The following SCN10A variants were observed in gnomAD, a reference collection of about 807,000 sequenced individuals.
SCN10A encodes the protein sodium channel protein type 10 subunit alpha.
In SCN10A, 162 loss-of-function variants were observed where a neutral mutation model predicts 170.7. The observed-to-expected ratio is 0.95, with a 90% CI of 0.84 to 1.08. SCN10A has a LOEUF of 1.08. Ranked by LOEUF, SCN10A falls within the 50% of genes least tolerant of loss-of-function variation. The pLI is 0.00. For synonymous variants in SCN10A, 985 were observed against 904.6 expected, an observed-to-expected ratio of 1.09 and a Z score of -1.59; for missense variants, 2,527 against 2,436.9, an observed-to-expected ratio of 1.04 and a Z score of -0.78.
chr3:38,765,483 T>TA (rs2063921797), intron 5 of SCN10A, among the ~76,000 whole-genome samples: 2 of 152,266 alleles, frequency 1.3e-5, no homozygotes, highest in South Asian at 4.1e-4. Context: ...TTTCCCCACT[T>TA]ACGTTTTTGT....
intron 4 of SCN10A, 54 bp from the exon 5 acceptor site, chr3:38,771,461 G>T: frequency 6.3e-7 from 1 of 1,593,314 alleles, no homozygotes; most frequent in Non-Finnish European, 8.6e-7. Context: ...TGTACTCAGG[G>T]GGTTCCTTCT....
At chr3:38,779,838 T>G (rs887672928) in intron 4 of SCN10A, among the ~76,000 whole-genome samples, 11 of 149,040 alleles carry the variant, frequency 7.4e-5, no homozygotes, top group Non-Finnish European at 1.5e-4. Flanking sequence ...AATTTGGTTA[T>G]TTTTTTTAAC....
rs1343769891 is a variant in SCN10A at position 38,713,997 on chromosome 3, C to T, written c.3765G>A (p.Leu1255=). Residue 1255 remains leucine, a synonymous_variant, in exon 22 of 28, where the codon CTG becomes CTA. Transcript: ENST00000449082. ...ATCGAGAAAGAGCCCGCAGTGGCCG[C>T]AGAGCGCGAAGGGTTCGAAGGGCTT... is the stretch of plus-strand genomic sequence containing the variant. ...PIKALRTLRA[L]RPLRALSRFE... The T allele has an allele frequency of 6.2e-7, 1 of 1,613,922 alleles. No individual in the cohort carries two copies. Among genetic ancestry groups the T allele is most frequent in the African/African-American group, 1.3e-5 (1 of 74,948 alleles).
chr3:38,717,102 A>C (rs190781749), intron 21 of SCN10A, among the ~76,000 whole-genome samples: 3 of 152,218 alleles, frequency 2.0e-5, no homozygotes, highest in Admixed American at 6.5e-5. Context: ...ATAGAAAGAT[A>C]TAAGGGTTAA....
At chr3:38,755,412 A>G (rs1345415378) in intron 11 of SCN10A, among the ~76,000 whole-genome samples, 3 of 151,654 alleles carry the variant, frequency 2.0e-5, no homozygotes, top group African/African-American at 7.3e-5. Flanking sequence ...TAAGATTGGC[A>G]TGTTCAGTAT....
chr3:38,759,622 G>T (rs2063846253), intron 8 of SCN10A, among the ~76,000 whole-genome samples: 1 of 152,196 alleles, frequency 6.6e-6, no homozygotes, highest in Admixed American at 6.5e-5. Flanking sequence ...TTGGCCCACA[G>T]AAATATTTTG....
At chr3:38,718,930 AAG>A in intron 20 of SCN10A, 104 bp from the exon 21 acceptor site, 2 of 1,099,404 alleles carry the variant, frequency 1.8e-6, no homozygotes, top group Non-Finnish European at 2.6e-6. Context: ...CAGTCCCTGG[AAG>A]GGGATTTGGT....
Position 38,712,430 on chromosome 3 carries a change from G to C in SCN10A, c.3820C>G (p.Leu1274Val), listed in dbSNP as rs1362890643. 6.2e-7 allele frequency: 1 copy of C among 1,613,802 alleles called. No individual in the cohort carries two copies. Among genetic ancestry groups the C allele is most frequent in the South Asian group, 1.1e-5 (1 of 91,056 alleles). ...FEGMRVVVDA[L>V]VGAIPSIMNV... is the part of the protein sequence containing the mutation. Reference sequence around the variant, plus strand: ...ATGATGGATGGGATGGCGCCCACCAGGGCATCCACCACCACCTGGTGGGAG... The same window carrying C: ...ATGATGGATGGGATGGCGCCCACCACGGCATCCACCACCACCTGGTGGGAG... Residue 1274 changes from leucine (L) to valine (V), a missense_variant, in exon 23 of 28, where the codon CTG becomes GTG. Coordinates refer to ENST00000449082, the MANE Select transcript of SCN10A (RefSeq NM_006514.4).
At chr3:38,808,975 T>C (rs1667326906) in intron 1 of SCN10A, among the ~76,000 whole-genome samples, 1 of 152,216 alleles carries the variant, frequency 6.6e-6, no homozygotes, top group African/African-American at 2.4e-5. Flanking sequence ...TTTTTGTCTT[T>C]GAGAGGCAGT....
intron 1 of SCN10A, among the ~76,000 whole-genome samples, chr3:38,804,712 G>A (rs1429433052): frequency 2.6e-5 from 4 of 152,034 alleles, no homozygotes; most frequent in African/African-American, 9.7e-5. Flanking sequence ...CCATAATCCA[G>A]GTTACTGAAA....
chr3:38,707,203 C>T (rs2063219451), intron 26 of SCN10A, 76 bp downstream of exon 26: 3 of 1,484,662 alleles, frequency 2.0e-6, no homozygotes, highest in African/African-American at 2.8e-5. Context: ...TCCCTCAGGC[C>T]CCTGCCTGAC....
Position 38,805,655 on chromosome 3 carries a change from G to A in SCN10A, c.-33+10382C>T, listed in dbSNP as rs991729649. On this transcript the variant is annotated intron_variant, in intron 1 of 27. Coordinates refer to ENST00000449082, the MANE Select transcript of SCN10A (RefSeq NM_006514.4). ...AAGATATAGCATTTGAAATAGATAA[G>A]CCACTAAGAAAGTGTGATAAGCTGT... 2.0e-5 allele frequency among the ~76,000 whole-genome samples: 3 copies of A among 152,140 alleles called. No individual in the cohort carries two copies. In the East Asian group the frequency reaches 5.8e-4, roughly 29 times the overall value.
intron 3 of SCN10A, among the ~76,000 whole-genome samples, chr3:38,790,940 C>T (rs1216223679): frequency 6.6e-6 from 1 of 151,932 alleles, no homozygotes. Context: ...TGCTGGCCAG[C>T]CAGAAAGAAA....
intron 1 of SCN10A, among the ~76,000 whole-genome samples, chr3:38,802,965 C>A (rs546370247): frequency 6.6e-6 from 1 of 152,114 alleles, no homozygotes; most frequent in Admixed American, 6.6e-5. Context: ...AAAAAACAAA[C>A]AACCCCATCA....
intron 1 of SCN10A, among the ~76,000 whole-genome samples, chr3:38,809,252 AC>A (rs1302181818): frequency 1.3e-5 from 2 of 151,998 alleles, no homozygotes; most frequent in African/African-American, 4.8e-5. Context: ...TCTGAATGCA[AC>A]TTTTGGAGGA....
chr3:38,740,419 C>A (rs2063618703), intron 14 of SCN10A, among the ~76,000 whole-genome samples: 1 of 152,190 alleles, frequency 6.6e-6, no homozygotes, highest in African/African-American at 2.4e-5. Context: ...TTTATCTGAG[C>A]CCCTCACCAG....
At chr3:38,699,887 A>T (rs539613616) in intron 27 of SCN10A, among the ~76,000 whole-genome samples, 9 of 152,120 alleles carry the variant, frequency 5.9e-5, no homozygotes, top group Non-Finnish European at 1.2e-4. Context: ...AGAAAGATTG[A>T]TATGTGGGTT....
intron 20 of SCN10A, 45 bp from the exon 21 acceptor site, chr3:38,718,871 C>T: frequency 6.3e-7 from 1 of 1,591,010 alleles, no homozygotes; most frequent in East Asian, 2.2e-5. Flanking sequence ...CCTGGACCCA[C>T]AGCACTGGGG....
intron 13 of SCN10A, among the ~76,000 whole-genome samples, chr3:38,747,692 T>C (rs2063705925): frequency 6.6e-6 from 1 of 152,194 alleles, no homozygotes; most frequent in Non-Finnish European, 1.5e-5. Flanking sequence ...CATGACCTTC[T>C]TTTGTCTTAC....
Sources: allele counts gnomAD v4.1 joint callset (sites outside exome capture counted in the v4.1 genomes callset), GRCh38; gene constraint gnomAD v4.1.1; transcripts MANE v1.5; gene names NCBI Gene and HGNC (gene_info 2026-07-23, HGNC 2026-07-21).